VPS39: variants seen among roughly 807,000 people sequenced by gnomAD.
VPS39 encodes the protein vam6/Vps39-like protein.
Under a neutral mutation model 121.0 loss-of-function variants are expected in VPS39, and 70 were observed. The observed-to-expected ratio is 0.58, with a 90% CI of 0.48 to 0.71. The LOEUF is 0.71. Among genes scored for constraint, VPS39 ranks in the 30% least tolerant of loss-of-function variants. The pLI is 0.00. For missense variants in VPS39, 818 were observed against 1,051.5 expected (o/e 0.78, Z 3.07); for synonymous variants, 378 against 398.1 (o/e 0.95, Z 0.60).
At chr15:42,173,893 C>T in intron 10 of VPS39, 41 bp from the exon 11 acceptor site, 2 of 1,609,164 alleles carry the variant, frequency 1.2e-6, no homozygotes, top group East Asian at 2.2e-5. Flanking sequence ...ACTCACTCAA[C>T]AAATATTGTT....
intron 8 of VPS39, among the ~76,000 whole-genome samples, chr15:42,180,904 T>C (rs1393209397): frequency 6.6e-6 from 1 of 152,146 alleles, no homozygotes; most frequent in Non-Finnish European, 1.5e-5. Context: ...TTGGAACCCT[T>C]GCGCACTGTT....
chr15:42,194,164 A>G (rs1023575976), intron 2 of VPS39, among the ~76,000 whole-genome samples: 1 of 152,116 alleles, frequency 6.6e-6, no homozygotes, highest in African/African-American at 2.4e-5. Flanking sequence ...TTAAAAAAAA[A>G]CAAAAACAAA....
intron 2 of VPS39, among the ~76,000 whole-genome samples, chr15:42,196,651 G>A (rs1257156309): frequency 4.6e-5 from 7 of 152,112 alleles, no homozygotes; most frequent in Admixed American, 2.6e-4. Flanking sequence ...TTAGAATGGC[G>A]ATCATTAAAA....
At chr15:42,173,955 G>A in intron 10 of VPS39, 103 bp from the exon 11 acceptor site, 2 of 1,432,272 alleles carry the variant, frequency 1.4e-6, no homozygotes, top group East Asian at 2.5e-5. Flanking sequence ...ACACCAAAGT[G>A]TACAAGACAA....
Position 42,166,554 on chromosome 15 carries a change from C to T in VPS39, c.1606+9G>A, listed in dbSNP as rs757878502. The stretch of plus-strand genomic sequence containing the variant: ...GCGCTTTCCCACCCCTTTCAAAAGG[C>T]GGACTTACCCAGATGCTGCAGATAC... On this transcript the variant is annotated intron_variant, in intron 15 of 24. Transcript: ENST00000318006. The T allele has an allele frequency of 2.6e-5, 42 of 1,613,998 alleles. No individual in the cohort carries two copies. Among genetic ancestry groups the T allele is most frequent in the Admixed American group, 1.5e-4 (9 of 59,990 alleles).
intron 1 of VPS39, among the ~76,000 whole-genome samples, chr15:42,202,738 A>G (rs1459832820): frequency 1.3e-5 from 2 of 152,098 alleles, no homozygotes; most frequent in African/African-American, 4.8e-5. Flanking sequence ...GGGTCTATCA[A>G]TTCTACCTGT....
At chr15:42,169,961 G>C in intron 11 of VPS39, 95 bp from the exon 12 acceptor site, 2 of 1,171,410 alleles carry the variant, frequency 1.7e-6, no homozygotes, top group Non-Finnish European at 1.1e-6. Context: ...ATAAGTTCCA[G>C]ACTGATTTAA....
In VPS39 at chr15:42,166,053, A is replaced by G. The variant is rs1003891082; in HGVS notation, c.1680+106T>C. ...CAGTCCACCCTTTCTTCATGCACCA[A>G]TGAAGACAGATGCATGAATCCACCC... is the stretch of plus-strand genomic sequence containing the variant. On this transcript the variant is annotated intron_variant, in intron 16 of 24. Coordinates refer to ENST00000318006, the MANE Select transcript of VPS39 (RefSeq NM_015289.5). The G allele has an allele frequency of 1.3e-5, 15 of 1,199,814 alleles. No homozygotes were observed. In the East Asian group the frequency reaches 1.6e-4, roughly 13 times the overall value. 74.3% of individuals were successfully genotyped at this position (1,199,814 alleles called of 1,614,324 possible).
chr15:42,163,007 T>C (rs974530611), intron 21 of VPS39, among the ~76,000 whole-genome samples: 1 of 152,190 alleles, frequency 6.6e-6, no homozygotes, highest in Non-Finnish European at 1.5e-5. Context: ...CAATCAAAAA[T>C]GTCTCCAGAC....
intron 1 of VPS39, among the ~76,000 whole-genome samples, chr15:42,201,170 C>T (rs1033237488): frequency 3.5e-4 from 53 of 151,764 alleles, no homozygotes; most frequent in African/African-American, 1.3e-3. Context: ...TAATTGTACA[C>T]TTTTTTTTAA....
chr15:42,163,540 A>G (rs2140835066), intron 20 of VPS39, 86 bp downstream of exon 20: 2 of 1,504,306 alleles, frequency 1.3e-6, no homozygotes, highest in Non-Finnish European at 1.8e-6. Context: ...GCAGTGGAGT[A>G]TGGGGAGATG....
chr15:42,193,812 C>T (rs1359579655), intron 2 of VPS39, among the ~76,000 whole-genome samples: 1 of 150,716 alleles, frequency 6.6e-6, no homozygotes, highest in African/African-American at 2.5e-5. Context: ...ACAAATACTG[C>T]CAGTTGTTTA....
At chr15:42,167,295 T>TA in intron 13 of VPS39, 99 bp downstream of exon 13, 1 of 1,452,712 alleles carries the variant, frequency 6.9e-7, no homozygotes, top group Non-Finnish European at 9.3e-7. Flanking sequence ...ACTTCACTCT[T>TA]ACTAATGGCA....
rs755639218 is a variant in VPS39 at position 42,178,195 on chromosome 15, G to A, written c.960+23C>T. 44 of 1,613,662 alleles carry A rather than the reference G, an allele frequency of 2.7e-5. 1 individual carries two copies. The African/African-American group carries it at 4.7e-4, about 17-fold the overall frequency. On this transcript the variant is annotated intron_variant, in intron 10 of 24. Transcript: ENST00000318006. ...ACTTTCAAGAACAATAAGGAAGGAAGACTAGTCAGGAACAAGACTTACTGC... is the reference window on the plus strand; with the variant it reads ...ACTTTCAAGAACAATAAGGAAGGAAAACTAGTCAGGAACAAGACTTACTGC...
chr15:42,183,083 C>T (rs943359835), intron 8 of VPS39, among the ~76,000 whole-genome samples: 2 of 151,836 alleles, frequency 1.3e-5, no homozygotes, highest in African/African-American at 4.8e-5. Context: ...AGAACAATCA[C>T]CCTAGAACAT....
At chr15:42,196,686 G>A (rs1287635906) in intron 2 of VPS39, among the ~76,000 whole-genome samples, 1 of 152,216 alleles carries the variant, frequency 6.6e-6, no homozygotes, top group Non-Finnish European at 1.5e-5. Flanking sequence ...AGGTGCTGGA[G>A]AGGATGTAGA....
intron 1 of VPS39, among the ~76,000 whole-genome samples, chr15:42,201,144 TG>T (rs1325964012): frequency 6.6e-6 from 1 of 151,782 alleles, no homozygotes; most frequent in Non-Finnish European, 1.5e-5. Flanking sequence ...ACTCTGTGAA[TG>T]TACTAAAAAC....
intron 17 of VPS39, 114 bp from the exon 18 acceptor site, chr15:42,165,227 G>A (rs547480007): frequency 3.8e-5 from 37 of 982,064 alleles, no homozygotes; most frequent in South Asian, 1.3e-4. Flanking sequence ...TCCCCTAATC[G>A]GGCTGCAAAG....
At chr15:42,200,018 G>C in intron 1 of VPS39, 57 bp from the exon 2 acceptor site, 2 of 1,513,770 alleles carry the variant, frequency 1.3e-6, no homozygotes, top group Non-Finnish European at 8.8e-7. Context: ...TTTGAGAAAG[G>C]TCAATCAGCT....
Sources: gnomAD v4.1 joint callset for allele counts (sites outside exome capture counted in the v4.1 genomes callset) on GRCh38, gnomAD v4.1.1 for gene constraint, MANE v1.5 for transcripts, NCBI Gene and HGNC (gene_info 2026-07-23, HGNC 2026-07-21) for gene names.